The following CDK11B variants were observed in gnomAD, a reference collection of about 807,000 sequenced individuals.
CDK11B encodes the protein cyclin dependent kinase 11B, also known as cyclin-dependent kinase 11B.
Under a neutral mutation model 84.0 loss-of-function variants are expected in CDK11B, and 37 were observed. That is an observed-to-expected ratio of 0.44 (90% CI 0.34 to 0.58). CDK11B has a LOEUF of 0.58. CDK11B is among the 20% of genes least tolerant of loss of function. The pLI, the probability that CDK11B is intolerant of heterozygous loss-of-function variation, is 0.02. For missense variants in CDK11B, 427 were observed against 834.0 expected (o/e 0.51, Z 6.01); for synonymous variants, 269 against 309.8 (o/e 0.87, Z 1.38).
At chr1:1,657,615 T>C in intron 1 of CDK11B, 117 bp from the exon 2 acceptor site, 1 of 766,168 alleles carries the variant, frequency 1.3e-6, no homozygotes, top group Non-Finnish European at 2.0e-6. Context: ...AATAAGAAGT[T>C]GTGCCCGGCG....
intron 14 of CDK11B, 93 bp downstream of exon 14, chr1:1,637,315 G>A: frequency 6.4e-7 from 1 of 1,567,718 alleles, no homozygotes; most frequent in Non-Finnish European, 8.7e-7. Context: ...CCCTGTGGAT[G>A]CAGCTGGCCC....
intron 13 of CDK11B, 91 bp downstream of exon 13, chr1:1,637,671 A>T: frequency 6.2e-7 from 1 of 1,611,530 alleles, no homozygotes; most frequent in South Asian, 1.1e-5. Flanking sequence ...TAAGTGCAGG[A>T]GAGTGTAGGA....
At chr1:1,636,852 G>A (rs1333287017) in intron 16 of CDK11B, 45 bp downstream of exon 16, 4 of 1,612,558 alleles carry the variant, frequency 2.5e-6, no homozygotes, top group Non-Finnish European at 3.4e-6. Context: ...AGCTGTGGGA[G>A]GCTGCGTGGG....
chr1:1,637,020 G>C lies in CDK11B; in HGVS notation c.1693-16C>G. On this transcript the variant is annotated splice_polypyrimidine_tract_variant and intron_variant, in intron 15 of 19. Coordinates refer to ENST00000341832, the MANE Select transcript of CDK11B (RefSeq NM_033486.3). ...AGTCACCCACCTGCAACGACAGATG[G>C]GCGGCTGTGAGTGGGCCCCGGCAGG... is the stretch of plus-strand genomic sequence containing the variant. 6.2e-7 allele frequency: 1 copy of C among 1,613,088 alleles called. No individual in the cohort carries two copies. Among genetic ancestry groups the C allele is most frequent in the Non-Finnish European group, 8.5e-7 (1 of 1,179,600 alleles).
intron 2 of CDK11B, 73 bp from the exon 3 acceptor site, chr1:1,655,557 T>C (rs1217663403): frequency 6.8e-7 from 1 of 1,474,914 alleles, no homozygotes; most frequent in East Asian, 2.5e-5. Flanking sequence ...GTATTTTTAA[T>C]GATAATCAAA....
chr1:1,653,320 G>C (rs1642261600), intron 3 of CDK11B, among the ~76,000 whole-genome samples: 1 of 152,098 alleles, frequency 6.6e-6, no homozygotes, highest in Non-Finnish European at 1.5e-5. Flanking sequence ...ACCGCACCCA[G>C]CTTTATTTTT....
chr1:1,636,161 C>T (rs1178044034), intron 18 of CDK11B, 35 bp from the exon 19 acceptor site: 195 of 630,280 alleles, frequency 3.1e-4, no homozygotes, highest in Non-Finnish European at 4.0e-4. Context: ...AGGAGGTGCT[C>T]GTGTGCTCCA....
chr1:1,647,433 A>C (rs1553162480), intron 5 of CDK11B, among the ~76,000 whole-genome samples: 14,240 of 150,396 alleles, frequency 0.095, 356 homozygotes, highest in East Asian at 0.24. Context: ...GTTCCTTCCC[A>C]CATGCCTATT....
intron 3 of CDK11B, among the ~76,000 whole-genome samples, chr1:1,654,561 G>A (rs1570234355): frequency 2.0e-5 from 3 of 152,246 alleles, no homozygotes; most frequent in East Asian, 3.9e-4. Flanking sequence ...GGGATTACAG[G>A]CGTGAGCTGC....
At position 1,640,374 on chromosome 1, in the gene CDK11B, C is replaced by A; in HGVS notation, c.1154G>T (p.Ser385Ile). 6.2e-7 allele frequency: 1 copy of A among 1,613,704 alleles called. No individual in the cohort carries two copies. The highest frequency in any genetic ancestry group is 8.5e-7 in the Non-Finnish European group (1 of 1,179,648). ...ATAGTCGCCCTCTGTCAGGGCGCTGCTCTGCGGCGTTCCCTCACCCACTTC... is the reference window on the plus strand; with the variant it reads ...ATAGTCGCCCTCTGTCAGGGCGCTGATCTGCGGCGTTCCCTCACCCACTTC... ...EEEVGEGTPQSSALTEGDYVP... is the reference protein window; with the variant it reads ...EEEVGEGTPQISALTEGDYVP... The change falls in exon 11 of 20, where the codon AGC becomes ATC. Residue 385 changes from serine to isoleucine, a missense_variant. Physicochemically the swap from Ser to Ile is moderately radical, Grantham distance 142. Transcript: ENST00000341832.
intron 5 of CDK11B, among the ~76,000 whole-genome samples, chr1:1,648,396 G>A (rs1434146947): frequency 3.4e-4 from 51 of 152,204 alleles, no homozygotes; most frequent in Admixed American, 1.9e-3. Flanking sequence ...ACCCCGCAGC[G>A]GTCTCGGACC....
At position 1,649,638 on chromosome 1, in the gene CDK11B, C is replaced by G; in HGVS notation, c.356-1G>C. The G allele has an allele frequency of 2.5e-6, 4 of 1,610,260 alleles. No homozygotes were observed. Among genetic ancestry groups the G allele is most frequent in the Non-Finnish European group, 3.4e-6 (4 of 1,177,294 alleles). ...TTTTCTTTCACTCTAGCATGCTTCC[C>G]TAATGAGAAATAAAGTGTCATGCAA... On this transcript the variant is annotated splice_acceptor_variant, in intron 4 of 19. Transcript: ENST00000341832. LOFTEE classifies it high-confidence loss of function.
chr1:1,646,551 T>C (rs1412494150), intron 5 of CDK11B: 2 of 518,660 alleles, frequency 3.9e-6, no homozygotes, highest in East Asian at 1.1e-4. Flanking sequence ...AAACCTAAGA[T>C]GTGAGGAGAG....
rs1364864917 is a variant in CDK11B at position 1,641,214 on chromosome 1, G to C, written c.1010-101C>G. On this transcript the variant is annotated intron_variant, in intron 9 of 19. Transcript: ENST00000341832. ...TCAGCTAAGCAACAAGTGTTCCCAA[G>C]AATGGATATGCAGGCCGGGCGCGGT... 23 of 1,563,078 alleles carry C rather than the reference G, an allele frequency of 1.5e-5. 3 individuals are homozygous for C. The highest frequency in any genetic ancestry group is 1.8e-5 in the Admixed American group (1 of 54,504).
intron 15 of CDK11B, 33 bp from the exon 16 acceptor site, chr1:1,637,037 C>T (rs376959595): frequency 6.2e-7 from 1 of 1,613,190 alleles, no homozygotes; most frequent in African/African-American, 1.3e-5. Context: ...GTGAGTGGGC[C>T]CCGGCAGGTC....
At chr1:1,639,936 G>A (rs561393846) in intron 11 of CDK11B, among the ~76,000 whole-genome samples, 5 of 151,732 alleles carry the variant, frequency 3.3e-5, no homozygotes, top group Admixed American at 1.3e-4. Flanking sequence ...TACATAACCC[G>A]CCCACGCAGG....
Position 1,636,458 on chromosome 1 carries a change from T to C in CDK11B, c.1941A>G (p.Lys647=). The C allele has an allele frequency of 6.2e-7, 1 of 1,612,882 alleles. No homozygotes were observed. The highest frequency in any genetic ancestry group is 1.3e-5 in the African/African-American group (1 of 75,072). Residue 647 remains lysine, a synonymous_variant, in exon 18 of 20, where the codon AAA becomes AAG. Transcript: ENST00000341832. ...GGAGCTCGCTGTAGCCGGGCCAGAT[T>C]TTCTCACTAGGGGTCCCCAGATCCT... ...VFKDLGTPSE[K]IWPGYSELPA... is the part of the protein sequence containing the mutation.
At chr1:1,654,625 C>G (rs1642475726) in intron 3 of CDK11B, among the ~76,000 whole-genome samples, 1 of 149,936 alleles carries the variant, frequency 6.7e-6, no homozygotes, top group Non-Finnish European at 1.5e-5. Flanking sequence ...AGGTATCTTT[C>G]AGCATTCTAC....
At chr1:1,652,155 G>A (rs1570205204) in intron 4 of CDK11B, among the ~76,000 whole-genome samples, 2 of 150,524 alleles carry the variant, frequency 1.3e-5, no homozygotes, top group South Asian at 2.1e-4. Context: ...TGTGACACAC[G>A]CACGCTTTCA....
Sources: gnomAD v4.1 joint callset for allele counts (sites outside exome capture counted in the v4.1 genomes callset) on GRCh38, gnomAD v4.1.1 for gene constraint, MANE v1.5 for transcripts, NCBI Gene and HGNC (gene_info 2026-07-23, HGNC 2026-07-21) for gene names.